The following DOCK1 variants were observed in gnomAD, a reference collection of about 807,000 sequenced individuals.
DOCK1 encodes the protein dedicator of cytokinesis protein 1.
Under a neutral mutation model 262.7 loss-of-function variants are expected in DOCK1, and 138 were observed. The observed-to-expected ratio is 0.53, with a 90% CI of 0.46 to 0.61. DOCK1 has a LOEUF of 0.61. Among genes scored for constraint, DOCK1 ranks in the 20% least tolerant of loss-of-function variants. The pLI, the probability that DOCK1 is intolerant of heterozygous loss-of-function variation, is 0.00. For synonymous variants in DOCK1, 866 were observed against 867.4 expected, an observed-to-expected ratio of 1.00 and a Z score of 0.03; for missense variants, 1,908 against 2,370.7, an observed-to-expected ratio of 0.80 and a Z score of 4.05.
At chr10:127,015,412 GT>G (rs1488186217) in intron 12 of DOCK1, among the ~76,000 whole-genome samples, 4 of 151,998 alleles carry the variant, frequency 2.6e-5, no homozygotes, top group African/African-American at 7.2e-5. Flanking sequence ...ATCTGTCCCA[GT>G]TTTCCATTTC....
intron 27 of DOCK1, among the ~76,000 whole-genome samples, chr10:127,184,893 C>T (rs988120163): frequency 6.6e-6 from 1 of 152,204 alleles, no homozygotes; most frequent in Non-Finnish European, 1.5e-5. Flanking sequence ...ACAGTGCATG[C>T]CTGGGGTGAC....
chr10:127,336,536 T>G (rs961848635), intron 29 of DOCK1, among the ~76,000 whole-genome samples: 9 of 136,696 alleles, frequency 6.6e-5, no homozygotes, highest in Non-Finnish European at 1.3e-4. Flanking sequence ...ACATACATAG[T>G]TTTTTTTTTT....
At chr10:127,415,537 T>G (rs1383360318) in intron 44 of DOCK1, among the ~76,000 whole-genome samples, 2 of 152,248 alleles carry the variant, frequency 1.3e-5, no homozygotes, top group African/African-American at 2.4e-5. Context: ...GTTTTGACAA[T>G]GCTTTGTGTT....
intron 29 of DOCK1, among the ~76,000 whole-genome samples, chr10:127,313,589 G>A (rs759403844): frequency 2.6e-5 from 4 of 152,130 alleles, no homozygotes; most frequent in Non-Finnish European, 5.9e-5. Context: ...CCCTTCAGGG[G>A]GCTTACTGCA....
intron 21 of DOCK1, among the ~76,000 whole-genome samples, chr10:127,049,126 A>G (rs947916876): frequency 3.3e-5 from 5 of 152,244 alleles, no homozygotes; most frequent in Non-Finnish European, 5.9e-5. Flanking sequence ...CAAACATAAA[A>G]GGAAACTTCA....
chr10:126,999,546 G>A, intron 9 of DOCK1, 111 bp downstream of exon 9: 1 of 804,670 alleles, frequency 1.2e-6, no homozygotes, highest in Non-Finnish European at 2.0e-6. Context: ...TGGGATGCCT[G>A]TATACAGGTT....
chr10:127,068,737 A>C (rs955119377), intron 23 of DOCK1, among the ~76,000 whole-genome samples: 6 of 152,200 alleles, frequency 3.9e-5, no homozygotes, highest in African/African-American at 1.4e-4. Context: ...ATATGTATAC[A>C]CCCACACCTA....
chr10:127,238,096 T>C (rs1298711713), intron 27 of DOCK1, among the ~76,000 whole-genome samples: 1 of 152,216 alleles, frequency 6.6e-6, no homozygotes, highest in African/African-American at 2.4e-5. Flanking sequence ...AACTGCTCTG[T>C]AGGCACAGGA....
intron 27 of DOCK1, among the ~76,000 whole-genome samples, chr10:127,245,358 A>G (rs1436468267): frequency 6.6e-6 from 1 of 152,248 alleles, no homozygotes; most frequent in Non-Finnish European, 1.5e-5. Flanking sequence ...TAAGTTTGGT[A>G]AAGAGGGCAC....
chr10:127,433,175 C>T (rs991066100), intron 47 of DOCK1, 108 bp from the exon 48 acceptor site: 60 of 1,451,462 alleles, frequency 4.1e-5, no homozygotes, highest in African/African-American at 2.3e-4. Context: ...GAAGTCTGAA[C>T]GATGATGGTC....
intron 33 of DOCK1, among the ~76,000 whole-genome samples, chr10:127,363,861 G>T (rs961142920): frequency 1.3e-5 from 2 of 152,174 alleles, no homozygotes; most frequent in African/African-American, 4.8e-5. Flanking sequence ...AGATTCACAG[G>T]CTTAGCCAGG....
intron 1 of DOCK1, among the ~76,000 whole-genome samples, chr10:126,935,546 G>C (rs1460404698): frequency 1.3e-5 from 2 of 152,234 alleles, no homozygotes; most frequent in African/African-American, 4.8e-5. Context: ...AGCTGTCAGA[G>C]AGTGATGATG....
intron 18 of DOCK1, among the ~76,000 whole-genome samples, chr10:127,037,492 T>C (rs146739420): frequency 5.3e-5 from 8 of 152,340 alleles, no homozygotes; most frequent in Non-Finnish European, 1.0e-4. Flanking sequence ...AGCTTCTACA[T>C]GGAAATCATT....
Position 127,176,369 on chromosome 10 carries a change from G to C in DOCK1, c.2847+48605G>C, listed in dbSNP as rs775627557. On this transcript the variant is annotated intron_variant, in intron 27 of 51. Transcript: ENST00000623213. The surrounding 1 kb of genome is among the most constrained non-coding windows in gnomAD (Gnocchi z 4.4). ...CTTCACTCTCCGACGTTGTGAGTAT[G>C]CATTTGCCGGTGTCCTTACTGACCA... is the stretch of plus-strand genomic sequence containing the variant. 17 of 1,611,072 alleles carry C rather than the reference G, an allele frequency of 1.1e-5. No individual in the cohort carries two copies. The highest frequency in any genetic ancestry group is 9.3e-6 in the Non-Finnish European group (11 of 1,179,072).
chr10:127,402,094 C>T (rs2067258306), intron 38 of DOCK1, among the ~76,000 whole-genome samples: 1 of 152,166 alleles, frequency 6.6e-6, no homozygotes, highest in Non-Finnish European at 1.5e-5. Flanking sequence ...GTTCACTAAA[C>T]CTTGTTAAGC....
chr10:127,001,863 A>G (rs770378923), intron 10 of DOCK1, among the ~76,000 whole-genome samples: 6 of 152,088 alleles, frequency 3.9e-5, no homozygotes, highest in Non-Finnish European at 8.8e-5. Context: ...TTGCATTTTC[A>G]TCTTTCTGTC....
rs746843941 is a variant in DOCK1 at position 127,069,558 on chromosome 10, C to G, written c.2445+7782C>G. On this transcript the variant is annotated intron_variant, in intron 23 of 51. Coordinates refer to ENST00000623213, the MANE Select transcript of DOCK1 (RefSeq NM_001290223.2). Reference sequence around the variant, plus strand: ...GGGTGCACTGATGGTGTTAATTGATCTGAGGATGTCATGGGCATGAGTCAG... The same window carrying G: ...GGGTGCACTGATGGTGTTAATTGATGTGAGGATGTCATGGGCATGAGTCAG... 2.0e-5 allele frequency among the ~76,000 whole-genome samples: 3 copies of G among 152,128 alleles called. No homozygotes were observed. In the South Asian group the frequency reaches 6.2e-4, roughly 32 times the overall value.
At chr10:127,328,282 A>G (rs1179704511) in intron 29 of DOCK1, among the ~76,000 whole-genome samples, 2 of 152,164 alleles carry the variant, frequency 1.3e-5, no homozygotes, top group African/African-American at 4.8e-5. Flanking sequence ...TGAGCGTGAA[A>G]TACCTTGAAA....
chr10:126,922,966 G>C (rs968512732), intron 1 of DOCK1, among the ~76,000 whole-genome samples: 2 of 152,048 alleles, frequency 1.3e-5, no homozygotes, highest in Admixed American at 1.3e-4. Flanking sequence ...CAAATTAGCT[G>C]GATGTGGCAG....
Sources: allele counts gnomAD v4.1 joint callset (sites outside exome capture counted in the v4.1 genomes callset), GRCh38; gene constraint gnomAD v4.1.1; non-coding constraint Gnocchi (gnomAD v3.1); transcripts MANE v1.5; gene names NCBI Gene and HGNC (gene_info 2026-07-23, HGNC 2026-07-21).